The following PLCB1 variants were observed in gnomAD, a reference collection of about 807,000 sequenced individuals.
PLCB1 encodes the protein phospholipase C beta 1, also known as 1-phosphatidylinositol 4,5-bisphosphate phosphodiesterase beta-1.
In PLCB1, 46 loss-of-function variants were observed where a neutral mutation model predicts 161.8. That is an observed-to-expected ratio of 0.28 (90% CI 0.22 to 0.36). The LOEUF (loss-of-function observed/expected upper bound fraction) is 0.36. Among genes scored for constraint, PLCB1 ranks in the 10% least tolerant of loss-of-function variants. PLCB1 has a pLI of 1.00. For synonymous variants in PLCB1, 517 were observed against 503.7 expected (o/e 1.03, Z -0.35); for missense variants, 1,016 against 1,472.5 (o/e 0.69, Z 5.07).
At chr20:8,680,009 C>G (rs1006416706) in intron 9 of PLCB1, among the ~76,000 whole-genome samples, 26 of 152,268 alleles carry the variant, frequency 1.7e-4, no homozygotes, top group African/African-American at 6.3e-4. Context: ...ATATAGTTTA[C>G]TCATCCTATA....
intron 3 of PLCB1, among the ~76,000 whole-genome samples, chr20:8,531,102 A>C (rs547983714): frequency 2.8e-4 from 43 of 152,228 alleles, no homozygotes; most frequent in Admixed American, 4.6e-4. Context: ...GAGAGAATTT[A>C]GAAAAATGAA....
chr20:8,825,216 T>A (rs1985633661), intron 31 of PLCB1, among the ~76,000 whole-genome samples: 1 of 152,118 alleles, frequency 6.6e-6, no homozygotes, highest in South Asian at 2.1e-4. Context: ...AAGGAACCAA[T>A]AAACAAATGA....
intron 3 of PLCB1, among the ~76,000 whole-genome samples, chr20:8,502,931 C>G (rs1297710143): frequency 6.6e-6 from 1 of 152,122 alleles, no homozygotes; most frequent in African/African-American, 2.4e-5. Context: ...GATTCAGTCC[C>G]CTCTTCCACT....
At chr20:8,440,550 G>A (rs1186029913) in intron 3 of PLCB1, among the ~76,000 whole-genome samples, 1 of 152,208 alleles carries the variant, frequency 6.6e-6, no homozygotes, top group East Asian at 1.9e-4. Flanking sequence ...TATGGATCCA[G>A]ACAATTCAGT....
chr20:8,256,387 T>G (rs190003529), intron 2 of PLCB1, among the ~76,000 whole-genome samples: 60 of 152,216 alleles, frequency 3.9e-4, no homozygotes, highest in African/African-American at 1.4e-3. Context: ...CCTGGGGCAC[T>G]TCAGTTCTCC....
At chr20:8,608,284 A>G (rs1044165081) in intron 3 of PLCB1, among the ~76,000 whole-genome samples, 3 of 152,192 alleles carry the variant, frequency 2.0e-5, no homozygotes, top group Non-Finnish European at 2.9e-5. Context: ...ATAGTCTAGG[A>G]CCTAATATCA....
intron 2 of PLCB1, among the ~76,000 whole-genome samples, chr20:8,342,800 A>T (rs923883202): frequency 2.0e-5 from 3 of 152,150 alleles, no homozygotes; most frequent in African/African-American, 7.2e-5. Flanking sequence ...TACACTAATG[A>T]CTTTACATAT....
intron 3 of PLCB1, among the ~76,000 whole-genome samples, chr20:8,387,033 T>G (rs1203846982): frequency 6.6e-6 from 1 of 152,252 alleles, no homozygotes; most frequent in Non-Finnish European, 1.5e-5. Context: ...TGGTTTGATC[T>G]TCTATCCAGA....
intron 3 of PLCB1, among the ~76,000 whole-genome samples, chr20:8,547,363 ATAG>A (rs1189457358): frequency 5.3e-5 from 8 of 152,218 alleles, no homozygotes; most frequent in Non-Finnish European, 1.2e-4. Context: ...TTTGGATCAG[ATAG>A]TTATTCCTCA....
In PLCB1 at chr20:8,577,085, C is replaced by G. The variant is rs183134090; in HGVS notation, c.247-51209C>G. ...ACGACAAGTTGCATTAATAAAAAAC[C>G]AACAATCAAGTCATGTATTATTTGT... On this transcript the variant is annotated intron_variant, in intron 3 of 31. Coordinates refer to ENST00000338037, the MANE Select transcript of PLCB1 (RefSeq NM_015192.4). Among the ~76,000 whole-genome samples the G allele has an allele frequency of 2.1e-4, 32 of 151,970 alleles. No homozygotes were observed. In the East Asian group the frequency reaches 5.4e-3, roughly 26 times the overall value.
At chr20:8,352,517 A>G (rs992284816) in intron 2 of PLCB1, among the ~76,000 whole-genome samples, 4 of 152,142 alleles carry the variant, frequency 2.6e-5, no homozygotes, top group African/African-American at 9.7e-5. Context: ...ACAAAAATAA[A>G]CTTTAATATA....
intron 31 of PLCB1, among the ~76,000 whole-genome samples, chr20:8,854,355 CAG>C (rs1336832442): frequency 6.6e-6 from 1 of 152,136 alleles, no homozygotes; most frequent in African/African-American, 2.4e-5. Flanking sequence ...GAACAAGCAA[CAG>C]AGAGTTCTGT....
In PLCB1 at chr20:8,737,013, T is replaced by A. The variant is rs772524789; in HGVS notation, c.2044-15T>A. On this transcript the variant is annotated splice_polypyrimidine_tract_variant and intron_variant, in intron 19 of 31. Coordinates refer to ENST00000338037, the MANE Select transcript of PLCB1 (RefSeq NM_015192.4). ...CAAAATTCCTTATGGATTGATTGAT[T>A]TATTGATTTTCTAGATTATTTCAGG... is the stretch of plus-strand genomic sequence containing the variant. 25 of 1,594,928 alleles carry A rather than the reference T, an allele frequency of 1.6e-5. No individual in the cohort carries two copies. The highest frequency in any genetic ancestry group is 2.0e-5 in the Non-Finnish European group (23 of 1,163,640).
At chr20:8,838,096 C>T (rs6077435) in intron 31 of PLCB1, among the ~76,000 whole-genome samples, 64 of 151,468 alleles carry the variant, frequency 4.2e-4, no homozygotes, top group African/African-American at 1.6e-3. Context: ...AAAGTATTAC[C>T]TGAATCATGA....
chr20:8,229,894 T>TA (rs1364663373), intron 2 of PLCB1, among the ~76,000 whole-genome samples: 10 of 147,376 alleles, frequency 6.8e-5, no homozygotes, highest in African/African-American at 1.2e-4. Context: ...AAAAATAAAA[T>TA]AAAAAAAATA....
intron 2 of PLCB1, among the ~76,000 whole-genome samples, chr20:8,343,815 T>C (rs1228700229): frequency 6.6e-6 from 1 of 152,200 alleles, no homozygotes; most frequent in African/African-American, 2.4e-5. Context: ...CACAAAAGCA[T>C]TTATTGAAAA....
intron 10 of PLCB1, 81 bp downstream of exon 10, chr20:8,685,159 G>A: frequency 2.2e-6 from 3 of 1,367,436 alleles, no homozygotes; most frequent in Non-Finnish European, 3.1e-6. Flanking sequence ...TTCGGAAGCT[G>A]AAGTGTGTTT....
chr20:8,452,799 T>A (rs1347282282), intron 3 of PLCB1, among the ~76,000 whole-genome samples: 1 of 152,198 alleles, frequency 6.6e-6, no homozygotes, highest in African/African-American at 2.4e-5. Context: ...GGAAAGATAT[T>A]CTGGTAGGAA....
At chr20:8,730,961 G>T (rs749409625) in intron 18 of PLCB1, among the ~76,000 whole-genome samples, 55 of 151,652 alleles carry the variant, frequency 3.6e-4, no homozygotes, top group Non-Finnish European at 3.2e-4. Context: ...AGTACATTCC[G>T]TTGGAATTTT....
Sources: gnomAD v4.1 joint callset for allele counts (sites outside exome capture counted in the v4.1 genomes callset) on GRCh38, gnomAD v4.1.1 for gene constraint, MANE v1.5 for transcripts, NCBI Gene and HGNC (gene_info 2026-07-23, HGNC 2026-07-21) for gene names.